The following CABLES1 variants were observed in gnomAD, a reference collection of about 807,000 sequenced individuals.
The protein encoded by CABLES1 is Cdk5 and Abl enzyme substrate 1, also known as CDK5 and ABL1 enzyme substrate 1.
Under a neutral mutation model 57.8 loss-of-function variants are expected in CABLES1, and 36 were observed. The observed-to-expected ratio is 0.62, with a 90% CI of 0.48 to 0.82. The LOEUF (loss-of-function observed/expected upper bound fraction) is 0.82. CABLES1 is among the 40% of genes least tolerant of loss of function. The probability of loss-of-function intolerance (pLI) is 0.00; values close to 1 mark genes in which losing one functional copy is unlikely to be tolerated. For synonymous variants in CABLES1, 374 were observed against 363.0 expected (o/e 1.03, Z -0.35); for missense variants, 767 against 836.6 (o/e 0.92, Z 1.03).
chr18:23,145,897 C>T (rs1286810939), intron 1 of CABLES1, among the ~76,000 whole-genome samples: 1 of 152,134 alleles, frequency 6.6e-6, no homozygotes, highest in African/African-American at 2.4e-5. Context: ...TAAAGCAGAA[C>T]GTGCAAATAC....
At chr18:23,235,361 C>T (rs2047596638) in intron 5 of CABLES1, among the ~76,000 whole-genome samples, 1 of 152,174 alleles carries the variant, frequency 6.6e-6, no homozygotes, top group Non-Finnish European at 1.5e-5. Context: ...ATGTGAGATG[C>T]TCGCCTGGGC....
At chr18:23,194,357 T>G (rs771877991) in intron 2 of CABLES1, 91 bp from the exon 3 acceptor site, 2 of 773,460 alleles carry the variant, frequency 2.6e-6, no homozygotes, top group Non-Finnish European at 4.5e-6. Flanking sequence ...TCAAGCCATT[T>G]GTCTGGTCCT....
chr18:23,170,564 A>G (rs2047075138), intron 1 of CABLES1, among the ~76,000 whole-genome samples: 1 of 152,214 alleles, frequency 6.6e-6, no homozygotes, highest in Non-Finnish European at 1.5e-5. Context: ...AGCAGAAGCC[A>G]GACTGCTGGG....
At chr18:23,152,260 T>G (rs4239437) in intron 1 of CABLES1, among the ~76,000 whole-genome samples, 1 of 152,012 alleles carries the variant, frequency 6.6e-6, no homozygotes, top group Non-Finnish European at 1.5e-5. Flanking sequence ...AAAATGCTAC[T>G]TGGCAGAAAA....
intron 4 of CABLES1, among the ~76,000 whole-genome samples, chr18:23,223,579 G>GAAAA (rs1164603815): frequency 1.4e-5 from 1 of 71,872 alleles, no homozygotes; most frequent in Admixed American, 1.3e-4. Flanking sequence ...CTCCGTCTCA[G>GAAAA]AAAAAAAAAA....
At chr18:23,216,733 C>A (rs1406545668) in intron 4 of CABLES1, among the ~76,000 whole-genome samples, 1 of 152,188 alleles carries the variant, frequency 6.6e-6, no homozygotes, top group Non-Finnish European at 1.5e-5. Flanking sequence ...AGGAAGAGGG[C>A]ACTCAGACCA....
At chr18:23,179,012 G>A (rs889274158) in intron 1 of CABLES1, among the ~76,000 whole-genome samples, 1 of 152,210 alleles carries the variant, frequency 6.6e-6, no homozygotes, top group Admixed American at 6.5e-5. Flanking sequence ...TTGGCCGGGC[G>A]TGGTGGCTCA....
At chr18:23,134,912 G>T (rs2046806277), upstream of CABLES1, among the ~76,000 whole-genome samples, 1 of 152,164 alleles carries the variant, frequency 6.6e-6, no homozygotes, top group South Asian at 2.1e-4. Flanking sequence ...AGACCCAACT[G>T]CAATGGTTGT....
chr18:23,238,467 C>T (rs2047660137), intron 7 of CABLES1, among the ~76,000 whole-genome samples: 1 of 152,226 alleles, frequency 6.6e-6, no homozygotes, highest in African/African-American at 2.4e-5. Context: ...TCCTCACTCT[C>T]CCTCACTCAT....
Position 23,253,074 on chromosome 18 carries a change from A to AG in CABLES1, c.1553+10dup. 1 of 1,552,086 alleles carries AG rather than the reference A, an allele frequency of 6.4e-7. No individual in the cohort carries two copies. Among genetic ancestry groups the AG allele is most frequent in the Non-Finnish European group, 8.9e-7 (1 of 1,123,580 alleles). On this transcript the variant is annotated intron_variant, in intron 8 of 9. Coordinates refer to ENST00000256925, the MANE Select transcript of CABLES1 (RefSeq NM_001100619.3). ...ACTCAGCAAAATTAGGAGGTACGGG[A>AG]GGCTGGACTTGCCTGTGACCTTTCC...
chr18:23,152,867 T>C (rs947875299), intron 1 of CABLES1, among the ~76,000 whole-genome samples: 3 of 151,090 alleles, frequency 2.0e-5, no homozygotes, highest in African/African-American at 7.3e-5. Flanking sequence ...AATGGCGTGA[T>C]CTTGGCTCAC....
intron 9 of CABLES1, 122 bp from the exon 10 acceptor site, chr18:23,257,105 C>T: frequency 1.8e-6 from 2 of 1,109,886 alleles, no homozygotes; most frequent in Non-Finnish European, 2.6e-6. Context: ...CTCCACAGAG[C>T]TTTGCCCAAA....
intron 3 of CABLES1, among the ~76,000 whole-genome samples, chr18:23,201,247 C>T (rs950095481): frequency 2.6e-5 from 4 of 152,198 alleles, no homozygotes; most frequent in Non-Finnish European, 4.4e-5. Flanking sequence ...TGTTCCACCC[C>T]AGGCTCACAA....
chr18:23,144,523 T>C (rs942252810), intron 1 of CABLES1, among the ~76,000 whole-genome samples: 1 of 152,194 alleles, frequency 6.6e-6, no homozygotes, highest in African/African-American at 2.4e-5. Flanking sequence ...GTGACTTGTA[T>C]GGAGTTCTGA....
At chr18:23,209,279 G>A (rs571968448) in intron 3 of CABLES1, among the ~76,000 whole-genome samples, 2 of 152,330 alleles carry the variant, frequency 1.3e-5, no homozygotes, top group African/African-American at 4.8e-5. Flanking sequence ...AGTACATACA[G>A]GCGTCAGTGC....
intron 1 of CABLES1, among the ~76,000 whole-genome samples, chr18:23,148,420 C>T (rs1412501571): frequency 2.0e-5 from 3 of 152,268 alleles, no homozygotes; most frequent in Non-Finnish European, 4.4e-5. Context: ...CCCGTTTCCC[C>T]TCTGCACATG....
chr18:23,182,605 T>C (rs1037668700), intron 1 of CABLES1, among the ~76,000 whole-genome samples: 2 of 152,210 alleles, frequency 1.3e-5, no homozygotes, highest in East Asian at 3.9e-4. Context: ...TCCCTGGGGA[T>C]TCTGATGTGC....
chr18:23,204,856 C>T (rs907229366), intron 3 of CABLES1, among the ~76,000 whole-genome samples: 3 of 152,218 alleles, frequency 2.0e-5, no homozygotes, highest in African/African-American at 4.8e-5. Flanking sequence ...ACAGTATTTG[C>T]GAAACTGTCC....
At chr18:23,155,960 G>A in intron 1 of CABLES1, 7 of 1,614,184 alleles carry the variant, frequency 4.3e-6, no homozygotes, top group Non-Finnish European at 5.9e-6. Context: ...CATGTAAGTT[G>A]TCAGAGGATC....
Sources: gnomAD v4.1 joint callset for allele counts (sites outside exome capture counted in the v4.1 genomes callset) on GRCh38, gnomAD v4.1.1 for gene constraint, MANE v1.5 for transcripts, NCBI Gene and HGNC (gene_info 2026-07-23, HGNC 2026-07-21) for gene names.